Variants in GPD2 observed in about 807,000 individuals in gnomAD.
GPD2 encodes glycerol-3-phosphate dehydrogenase, mitochondrial.
Under a neutral mutation model 82.4 loss-of-function variants are expected in GPD2, and 54 were observed. The observed-to-expected ratio is 0.66, with a 90% CI of 0.53 to 0.82. GPD2 has a LOEUF of 0.82. GPD2 is among the 40% of genes least tolerant of loss of function. The probability of loss-of-function intolerance (pLI) is 0.00; values close to 1 mark genes in which losing one functional copy is unlikely to be tolerated. For synonymous variants in GPD2, 288 were observed against 306.1 expected (o/e 0.94, Z 0.62); for missense variants, 748 against 896.2 (o/e 0.83, Z 2.11).
chr2:156,486,653 A>C (rs959611744), intron 2 of GPD2, among the ~76,000 whole-genome samples: 4 of 152,212 alleles, frequency 2.6e-5, no homozygotes, highest in Admixed American at 2.0e-4. Context: ...TAGTTTTAGA[A>C]ATAGATGATT....
the GPD2 span, among the ~76,000 whole-genome samples, chr2:156,422,663 C>T: frequency 6.6e-6 from 1 of 151,452 alleles, no homozygotes; most frequent in Non-Finnish European, 1.5e-5. Flanking sequence ...ACTCAGGAGG[C>T]GGACCTTGCA....
intron 6 of GPD2, among the ~76,000 whole-genome samples, chr2:156,544,073 G>T (rs1686430677): frequency 6.6e-6 from 1 of 152,054 alleles, no homozygotes; most frequent in South Asian, 2.1e-4. Flanking sequence ...AATAATTAGG[G>T]TTTATTGTAC....
At chr2:156,491,075 A>G (rs374743205) in intron 2 of GPD2, among the ~76,000 whole-genome samples, 1 of 152,198 alleles carries the variant, frequency 6.6e-6, no homozygotes, top group Admixed American at 6.5e-5. Context: ...CAGCCTCACC[A>G]TTCTTTCATG....
intron 9 of GPD2, among the ~76,000 whole-genome samples, chr2:156,563,982 T>G (rs1182845363): frequency 1.3e-5 from 2 of 152,274 alleles, no homozygotes; most frequent in East Asian, 3.9e-4. Flanking sequence ...CGTGGAGCTA[T>G]GTACAGAATG....
chr2:156,452,040 G>A (rs1217512692), intron 1 of GPD2, among the ~76,000 whole-genome samples: 1 of 152,028 alleles, frequency 6.6e-6, no homozygotes, highest in Non-Finnish European at 1.5e-5. Flanking sequence ...TGGGATGGCG[G>A]CCGGGCAGAG....
upstream of GPD2, among the ~76,000 whole-genome samples, chr2:156,430,625 C>T (rs1338855204): frequency 6.6e-6 from 1 of 152,182 alleles, no homozygotes; most frequent in African/African-American, 2.4e-5. Context: ...TACTGCTGAG[C>T]TTTGGTTTTG....
chr2:156,420,281 C>T, the GPD2 span, among the ~76,000 whole-genome samples: 3 of 152,200 alleles, frequency 2.0e-5, no homozygotes, highest in South Asian at 2.1e-4. Flanking sequence ...AAGCAATTCT[C>T]CTGCCTCAGC....
chr2:156,444,720 T>TACACACAC lies in GPD2; in HGVS notation c.-9+8220_-9+8227dup, dbSNP rs397789170. 3.5e-3 allele frequency among the ~76,000 whole-genome samples: 523 copies of TACACACAC among 150,078 alleles called. 3 individuals carry two copies. The highest frequency in any genetic ancestry group is 5.8e-3 in the Non-Finnish European group (392 of 67,408). The stretch of plus-strand genomic sequence containing the variant: ...GGAACAAGACTGTCTCAAAAACAAA[T>TACACACAC]ACACACACACACACACACACTAACA... On this transcript the variant is annotated intron_variant, in intron 1 of 16. Transcript: ENST00000438166.
rs761391524 is a variant in GPD2, at chr2:156,579,010, A to AAT, written c.1880+11_1880+12dup. 2 of 1,563,766 alleles carry AAT rather than the reference A, an allele frequency of 1.3e-6. No homozygotes were observed. Among genetic ancestry groups the AAT allele is most frequent in the African/African-American group, 2.7e-5 (2 of 73,748 alleles). On this transcript the variant is annotated intron_variant, in intron 14 of 16. Coordinates refer to ENST00000438166, the MANE Select transcript of GPD2 (RefSeq NM_000408.5). ...CCTTCAGACATTGACAGGTACTTAT[A>AAT]ATAAGTGTCTATCTATCTCTCTTTT...
At chr2:156,575,354 A>G (rs536037376) in intron 13 of GPD2, among the ~76,000 whole-genome samples, 1 of 151,470 alleles carries the variant, frequency 6.6e-6, no homozygotes, top group South Asian at 2.1e-4. Flanking sequence ...GTAAGGAATC[A>G]CTTAGGCAAA....
At chr2:156,580,777 T>G (rs1688000223) in intron 16 of GPD2, among the ~76,000 whole-genome samples, 1 of 152,242 alleles carries the variant, frequency 6.6e-6, no homozygotes, top group Non-Finnish European at 1.5e-5. Context: ...CAGAAAATTT[T>G]CACAGGTTGT....
chr2:156,425,923 C>CTTT, the GPD2 span, among the ~76,000 whole-genome samples: 89 of 136,396 alleles, frequency 6.5e-4, 2 homozygotes, highest in East Asian at 1.5e-3. Flanking sequence ...AGTCTGGGTA[C>CTTT]TTTTTTTTTT....
At chr2:156,489,436 A>G (rs1684067929) in intron 2 of GPD2, among the ~76,000 whole-genome samples, 1 of 151,934 alleles carries the variant, frequency 6.6e-6, no homozygotes, top group Non-Finnish European at 1.5e-5. Flanking sequence ...TCTCTACTTG[A>G]TTTAGCTGCA....
Position 156,550,715 on chromosome 2 carries a change from G to T in GPD2, c.940G>T (p.Gly314Cys), listed in dbSNP as rs1485055460. The T allele has an allele frequency of 6.2e-7, 1 of 1,613,858 alleles. No homozygotes were observed. The highest frequency in any genetic ancestry group is 8.5e-7 in the Non-Finnish European group (1 of 1,179,834). The stretch of plus-strand genomic sequence containing the variant: ...AGCAGCTATCTGCCAGCCAAGTGCT[G>T]GTGTCCATATTGTGATGCCTGGTTA... ...DAAAICQPSAGVHIVMPGYYS... is the reference protein window; with the variant it reads ...DAAAICQPSACVHIVMPGYYS... The change falls in exon 8 of 17, where the codon GGT becomes TGT. Residue 314 changes from glycine (G) to cysteine (C), a missense_variant. Transcript: ENST00000438166.
chr2:156,516,538 C>T (rs1163891743), intron 6 of GPD2, among the ~76,000 whole-genome samples: 1 of 152,208 alleles, frequency 6.6e-6, no homozygotes, highest in African/African-American at 2.4e-5. Context: ...CTCCGGGGCT[C>T]AAGCAATCCT....
chr2:156,537,393 G>A (rs1686123031), intron 6 of GPD2, among the ~76,000 whole-genome samples: 2 of 152,238 alleles, frequency 1.3e-5, no homozygotes, highest in Non-Finnish European at 2.9e-5. Flanking sequence ...TTTGAAAATT[G>A]CTGGGAGTCT....
Position 156,585,248 on chromosome 2 carries a change from A to G in GPD2, c.*2330A>G. ...AGGGAGACAAGCAATAGGGGGGAATAAGCTTCTTCAAAATTCATTCCAAGC... is the reference window on the plus strand; with the variant it reads ...AGGGAGACAAGCAATAGGGGGGAATGAGCTTCTTCAAAATTCATTCCAAGC... On this transcript the variant is annotated 3_prime_UTR_variant, in exon 17 of 17. Transcript: ENST00000438166. The G allele has an allele frequency of 6.6e-6, 1 of 152,530 alleles. No individual in the cohort carries two copies. Among genetic ancestry groups the G allele is most frequent in the East Asian group, 1.9e-4 (1 of 5,156 alleles). 9.4% of individuals were successfully genotyped at this position (152,530 alleles called of 1,614,324 possible).
chr2:156,452,424 C>T (rs949219055), intron 1 of GPD2, among the ~76,000 whole-genome samples: 1 of 152,270 alleles, frequency 6.6e-6, no homozygotes, highest in African/African-American at 2.4e-5. Context: ...CGCGGCGGCG[C>T]GCACCTGCAA....
intron 13 of GPD2, among the ~76,000 whole-genome samples, chr2:156,576,744 A>G: frequency 6.6e-6 from 1 of 152,336 alleles, no homozygotes; most frequent in African/African-American, 2.4e-5. Flanking sequence ...TTGAAATTCC[A>G]TAATTCCTTG....
Sources: gnomAD v4.1 joint callset for allele counts (sites outside exome capture counted in the v4.1 genomes callset) on GRCh38, gnomAD v4.1.1 for gene constraint, MANE v1.5 for transcripts, NCBI Gene and HGNC (gene_info 2026-07-23, HGNC 2026-07-21) for gene names.